Variants in LHX8 observed in about 807,000 individuals in gnomAD.
LHX8 encodes the protein LIM/homeobox protein Lhx8.
Under a neutral mutation model 40.3 loss-of-function variants are expected in LHX8, and 12 were observed. The observed-to-expected ratio is 0.30, with a 90% confidence interval of 0.19 to 0.48. The LOEUF (loss-of-function observed/expected upper bound fraction) is 0.48, where lower values mean the gene tolerates loss of function less well. Ranked by LOEUF, LHX8 falls within the 20% of genes least tolerant of loss-of-function variation. The pLI is 0.99. For missense variants in LHX8, 344 were observed against 433.7 expected, an observed-to-expected ratio of 0.79 and a Z score of 1.84; for synonymous variants, 179 against 162.0, an observed-to-expected ratio of 1.10 and a Z score of -0.80.
chr1:75,156,908 T>G lies in LHX8; in HGVS notation c.796T>G (p.Cys266Gly). The change falls in exon 8 of 9, where the codon TGT (cysteine) becomes GGT (glycine). Residue 266 changes from cysteine to glycine, a missense_variant. Around this residue, in one of 3 missense-constraint regions of LHX8, gnomAD observed 147 missense variants for 250.8 expected, o/e 0.59. Transcript: ENST00000356261. ...CCCTGCTCAGGTGTGGTTTCAGAAT[T>G]GTAGAGCACGCCACAAGAAACACGT... ...RRVIQVWFQN[C>G]RARHKKHVSP... 6.2e-7 allele frequency: 1 copy of G among 1,614,154 alleles called. No homozygotes were observed. The highest frequency in any genetic ancestry group is 8.5e-7 in the Non-Finnish European group (1 of 1,180,022).
chr1:75,166,125 G>A (rs1204371373), downstream of LHX8, among the ~76,000 whole-genome samples: 1 of 152,198 alleles, frequency 6.6e-6, no homozygotes, highest in Non-Finnish European at 1.5e-5. Flanking sequence ...CCAGAAGTTT[G>A]GCAAGCACTG....
At chr1:75,168,666 A>G in the LHX8 span, among the ~76,000 whole-genome samples, 1 of 152,160 alleles carries the variant, frequency 6.6e-6, no homozygotes, top group Non-Finnish European at 1.5e-5. Flanking sequence ...CCTCAGGTGC[A>G]GGAATTCTGA....
chr1:75,173,380 T>A, the LHX8 span, among the ~76,000 whole-genome samples: 1 of 103,600 alleles, frequency 9.7e-6, no homozygotes, highest in Non-Finnish European at 2.2e-5. Context: ...TACTCTTTTT[T>A]TTTTTTTTTT....
At chr1:75,146,758 A>T (rs1557490233) in intron 6 of LHX8, among the ~76,000 whole-genome samples, 1 of 152,064 alleles carries the variant, frequency 6.6e-6, no homozygotes, top group Non-Finnish European at 1.5e-5. Flanking sequence ...AGAACAATCA[A>T]CTCATCTTAC....
the LHX8 span, among the ~76,000 whole-genome samples, chr1:75,186,058 A>G: frequency 6.6e-6 from 1 of 152,244 alleles, no homozygotes; most frequent in African/African-American, 2.4e-5. Flanking sequence ...ACACAAATGG[A>G]AAAACATTTA....
At position 75,136,522 on chromosome 1, in the gene LHX8, C is replaced by T; in HGVS notation, c.-12-81C>T. On this transcript the variant is annotated intron_variant, in intron 1 of 8. Coordinates refer to ENST00000356261, the MANE Select transcript of LHX8 (RefSeq NM_001256114.2). ...TCTGAGGGCCTTCATTAGCTCGCTC[C>T]CCGCGCCGAGGCTGGGGCGGGCAGC... The T allele has an allele frequency of 6.4e-6, 7 of 1,087,286 alleles. No individual in the cohort carries two copies. In the African/African-American group the frequency reaches 7.8e-5, roughly 12 times the overall value. 67.4% of individuals were successfully genotyped at this position (1,087,286 alleles called of 1,614,324 possible). A position where few individuals can be genotyped will look rare whatever the true frequency, so the allele number is the denominator to read the frequency against.
upstream of LHX8, chr1:75,130,643 G>A: frequency 7.6e-7 from 1 of 1,321,772 alleles, no homozygotes; most frequent in Non-Finnish European, 1.1e-6. Context: ...GGGTAGCAAG[G>A]TATAAAACGG....
chr1:75,135,826 T>G (rs1224014994), intron 1 of LHX8, among the ~76,000 whole-genome samples: 1 of 152,230 alleles, frequency 6.6e-6, no homozygotes, highest in Non-Finnish European at 1.5e-5. Context: ...TACCCGCTTT[T>G]TGCGCTGGTT....
chr1:75,182,805 C>G, the LHX8 span, among the ~76,000 whole-genome samples: 1 of 152,112 alleles, frequency 6.6e-6, no homozygotes, highest in African/African-American at 2.4e-5. Context: ...ATGTGAGATC[C>G]TTTTTGGTTC....
At chr1:75,180,395 A>G in the LHX8 span, among the ~76,000 whole-genome samples, 1 of 150,866 alleles carries the variant, frequency 6.6e-6, no homozygotes, top group South Asian at 2.1e-4. Flanking sequence ...ATTTCTTTTT[A>G]CTCTTTTTTC....
At chr1:75,194,953 A>C in the LHX8 span, among the ~76,000 whole-genome samples, 2 of 152,174 alleles carry the variant, frequency 1.3e-5, no homozygotes, top group Non-Finnish European at 2.9e-5. Flanking sequence ...TGCCGGGTTC[A>C]TTCTCTCATG....
chr1:75,164,736 T>C (rs1431150413), downstream of LHX8, among the ~76,000 whole-genome samples: 1 of 151,806 alleles, frequency 6.6e-6, no homozygotes, highest in Admixed American at 6.6e-5. Context: ...CTTTTTTTTT[T>C]TTTTTTTTCC....
intron 5 of LHX8, among the ~76,000 whole-genome samples, chr1:75,143,635 C>G: frequency 6.6e-6 from 1 of 152,106 alleles, no homozygotes; most frequent in East Asian, 1.9e-4. Flanking sequence ...GTACTTCTAA[C>G]TTTTTGAACT....
intron 8 of LHX8, among the ~76,000 whole-genome samples, chr1:75,157,819 A>T (rs1378133406): frequency 1.3e-5 from 2 of 152,198 alleles, no homozygotes; most frequent in Non-Finnish European, 2.9e-5. Flanking sequence ...CCTGGTTAAT[A>T]GATATTTGTG....
chr1:75,193,661 A>T, the LHX8 span, among the ~76,000 whole-genome samples: 5 of 152,216 alleles, frequency 3.3e-5, no homozygotes, highest in Non-Finnish European at 7.3e-5. Flanking sequence ...TCTCTTCACA[A>T]TATAACTCCA....
At chr1:75,157,211 T>TAG in intron 8 of LHX8, 135 bp downstream of exon 8, 2 of 946,650 alleles carry the variant, frequency 2.1e-6, no homozygotes, top group Admixed American at 4.0e-5. Context: ...GGGGGTGCAG[T>TAG]AGAGAGCAAA....
At chr1:75,194,299 C>T in the LHX8 span, among the ~76,000 whole-genome samples, 1 of 152,114 alleles carries the variant, frequency 6.6e-6, no homozygotes, top group African/African-American at 2.4e-5. Flanking sequence ...TCCTGGAGGT[C>T]CCTGCCATCT....
chr1:75,130,735 A>G (rs1332959386), upstream of LHX8: 1 of 1,613,894 alleles, frequency 6.2e-7, no homozygotes, highest in African/African-American at 1.3e-5. Context: ...TGAGCAGGGT[A>G]AGTTTGTGGA....
the LHX8 span, among the ~76,000 whole-genome samples, chr1:75,181,840 C>T: frequency 1.3e-5 from 2 of 152,028 alleles, no homozygotes; most frequent in African/African-American, 4.8e-5. Flanking sequence ...GAAGGGACCC[C>T]CATTTTGTTT....
Sources: gnomAD v4.1 joint callset for allele counts (sites outside exome capture counted in the v4.1 genomes callset) on GRCh38, gnomAD v4.1.1 for gene constraint, gnomAD v4.1.1 regional missense constraint, MANE v1.5 for transcripts, NCBI Gene and HGNC (gene_info 2026-07-23, HGNC 2026-07-21) for gene names.